The following PAAF1 variants were observed in gnomAD, a reference collection of about 807,000 sequenced individuals.
PAAF1 encodes proteasomal ATPase-associated factor 1.
Under a neutral mutation model 52.8 loss-of-function variants are expected in PAAF1, and 46 were observed. The ratio of observed to expected loss-of-function variants is 0.87; its 90% CI spans 0.69 to 1.11. PAAF1 has a LOEUF of 1.11. Ranked by LOEUF, PAAF1 falls within the 50% of genes most tolerant of loss-of-function variation. The probability of loss-of-function intolerance (pLI) is 0.00; values close to 1 mark genes in which losing one functional copy is unlikely to be tolerated. For synonymous variants in PAAF1, 178 were observed against 172.8 expected (o/e 1.03, Z -0.24); for missense variants, 424 against 477.4 (o/e 0.89, Z 1.04).
At position 73,881,261 on chromosome 11, in the gene PAAF1, T is replaced by G. The variant is rs550629447; in HGVS notation, c.88+2442T>G. Among the ~76,000 whole-genome samples the G allele has an allele frequency of 1.4e-4, 21 of 152,248 alleles. No homozygotes were observed. The East Asian group carries it at 3.5e-3, about 25-fold the overall frequency. ...TTTTTTTAGATCTTTTCCCTAATATTTTGCATTTTTCTTGCCGATACATAC... is the reference window on the plus strand; with the variant it reads ...TTTTTTTAGATCTTTTCCCTAATATGTTGCATTTTTCTTGCCGATACATAC... On this transcript the variant is annotated intron_variant, in intron 2 of 11. Coordinates refer to ENST00000310571, the MANE Select transcript of PAAF1 (RefSeq NM_025155.3).
chr11:73,912,673 T>G (rs1179688274), intron 7 of PAAF1, among the ~76,000 whole-genome samples: 1 of 152,168 alleles, frequency 6.6e-6, no homozygotes, highest in Non-Finnish European at 1.5e-5. Context: ...CATTCCTGCT[T>G]AAAACTCTCC....
intron 10 of PAAF1, among the ~76,000 whole-genome samples, chr11:73,920,267 C>G (rs541366746): frequency 6.6e-6 from 1 of 152,112 alleles, no homozygotes; most frequent in Non-Finnish European, 1.5e-5. Context: ...GGCACAGTGG[C>G]TCATGCCTAT....
intron 7 of PAAF1, among the ~76,000 whole-genome samples, 159 bp from the exon 8 acceptor site, chr11:73,914,254 A>G (rs2135212468): frequency 6.6e-6 from 1 of 152,356 alleles, no homozygotes; most frequent in East Asian, 1.9e-4. Flanking sequence ...ATCCAGTTGT[A>G]TAAATAATAC....
chr11:73,889,173 C>A, intron 3 of PAAF1: 7 of 1,528,652 alleles, frequency 4.6e-6, no homozygotes, highest in Non-Finnish European at 6.1e-6. Context: ...CATACTCAGA[C>A]CTGGATACAG....
At chr11:73,902,237 A>C (rs540143230) in intron 6 of PAAF1, among the ~76,000 whole-genome samples, 2 of 152,226 alleles carry the variant, frequency 1.3e-5, no homozygotes, top group East Asian at 3.8e-4. Context: ...CACACACATT[A>C]ACCTAAGTAC....
At chr11:73,916,697 G>T in intron 9 of PAAF1, 37 bp downstream of exon 9, 33 of 1,476,216 alleles carry the variant, frequency 2.2e-5, no homozygotes, top group Non-Finnish European at 3.0e-5. Context: ...CAGGTCTTCT[G>T]CAGAGTGGAA....
At position 73,887,477 on chromosome 11, in the gene PAAF1, A is replaced by G. The variant is rs1338627148; in HGVS notation, c.192+20A>G. ...AACAAGGTATGTTTTTATGTCTTCT[A>G]GATGGCATGATATTTAAAACTATGG... is the stretch of plus-strand genomic sequence containing the variant. On this transcript the variant is annotated intron_variant, in intron 3 of 11. Transcript: ENST00000310571. The G allele has an allele frequency of 6.6e-7, 1 of 1,522,618 alleles. No homozygotes were observed. Among genetic ancestry groups the G allele is most frequent in the Non-Finnish European group, 9.0e-7 (1 of 1,115,308 alleles). 94.3% of individuals were successfully genotyped at this position (1,522,618 alleles called of 1,614,324 possible). A position where few individuals can be genotyped will look rare whatever the true frequency, so the allele number is the denominator to read the frequency against.
At chr11:73,920,221 TTA>T (rs1950174148) in intron 10 of PAAF1, among the ~76,000 whole-genome samples, 2 of 152,086 alleles carry the variant, frequency 1.3e-5, no homozygotes, top group African/African-American at 2.4e-5. Flanking sequence ...ATAATATTTT[TTA>T]TATATTTTTT....
chr11:73,892,086 G>A (rs1460911653), intron 4 of PAAF1, among the ~76,000 whole-genome samples: 2 of 152,096 alleles, frequency 1.3e-5, no homozygotes, highest in Non-Finnish European at 2.9e-5. Flanking sequence ...ACTTTGAGAG[G>A]CCGAGGTGGG....
At chr11:73,876,808 G>T (rs76332820), upstream of PAAF1, 13,370 of 430,078 alleles carry the variant, frequency 0.031, 286 homozygotes, top group Non-Finnish European at 0.039. Context: ...CGGCGGCTTG[G>T]GTTTCGCAGG....
chr11:73,915,232 A>C (rs1409860565), intron 8 of PAAF1, among the ~76,000 whole-genome samples: 1 of 152,142 alleles, frequency 6.6e-6, no homozygotes, highest in Non-Finnish European at 1.5e-5. Context: ...TTAGTGTGCT[A>C]TATGTAAAAT....
chr11:73,896,287 CT>C (rs899630404), intron 4 of PAAF1, among the ~76,000 whole-genome samples: 1 of 102,776 alleles, frequency 9.7e-6, no homozygotes, highest in African/African-American at 4.1e-5. Flanking sequence ...TTCTTTTTTT[CT>C]TTTTTTCTTT....
At chr11:73,901,081 G>C (rs1236555272) in intron 6 of PAAF1, among the ~76,000 whole-genome samples, 1 of 149,914 alleles carries the variant, frequency 6.7e-6, no homozygotes, top group Non-Finnish European at 1.5e-5. Flanking sequence ...TTGTGTGCTG[G>C]GAAATAGAGA....
At chr11:73,916,940 CTT>C (rs1950081928) in intron 9 of PAAF1, among the ~76,000 whole-genome samples, 1 of 152,070 alleles carries the variant, frequency 6.6e-6, no homozygotes, top group Non-Finnish European at 1.5e-5. Context: ...TTGTCTAGAA[CTT>C]TTAATTTTAA....
Position 73,891,134 on chromosome 11 carries a change from C to A in PAAF1, c.215C>A (p.Pro72Gln). The change falls in exon 4 of 12, where the codon CCA becomes CAA. Residue 72 changes from proline to glutamine, a missense_variant. Coordinates refer to ENST00000310571, the MANE Select transcript of PAAF1 (RefSeq NM_025155.3). Reference sequence around the variant, plus strand: ...TAGAAAAGCATTCATATTTCATGTCCAAAGGAAAATGCATCTTCTAAGTTT... The same window carrying A: ...TAGAAAAGCATTCATATTTCATGTCAAAAGGAAAATGCATCTTCTAAGTTT... ...INKKSIHISC[P>Q]KENASSKFLA... The A allele has an allele frequency of 6.3e-7, 1 of 1,599,412 alleles. No individual in the cohort carries two copies. Among genetic ancestry groups the A allele is most frequent in the South Asian group, 1.1e-5 (1 of 90,360 alleles).
chr11:73,895,239 G>A (rs1201636101), intron 4 of PAAF1, among the ~76,000 whole-genome samples: 6 of 152,320 alleles, frequency 3.9e-5, no homozygotes, highest in Non-Finnish European at 1.5e-5. Flanking sequence ...TTTGGCCTGA[G>A]AAGTAGGTGA....
chr11:73,918,369 T>G (rs1047116367), intron 9 of PAAF1, among the ~76,000 whole-genome samples: 6 of 143,212 alleles, frequency 4.2e-5, no homozygotes, highest in African/African-American at 1.3e-4. Flanking sequence ...TTTTTTTTTT[T>G]TTTTTTTTTT....
chr11:73,911,834 A>G (rs1365070258), intron 7 of PAAF1, among the ~76,000 whole-genome samples: 1 of 151,764 alleles, frequency 6.6e-6, no homozygotes, highest in Non-Finnish European at 1.5e-5. Flanking sequence ...AGGTTTCACC[A>G]TGTTGGCCAG....
At position 73,929,995 on chromosome 11, in the gene PAAF1, G is replaced by GTGGTGGGCTGAGATTGCGCCA. The variant is rs1950433320; in HGVS notation, c.*2635_*2655dup. ...CACTTGATCCCGGGAGGCAGAGGTT[G>GTGGTGGGCTGAGATTGCGCCA]TGGTGGGCTGAGATTGCGCCATTGC... On this transcript the variant is annotated 3_prime_UTR_variant, in exon 12 of 12. Coordinates refer to ENST00000310571, the MANE Select transcript of PAAF1 (RefSeq NM_025155.3). 6.6e-6 allele frequency: 1 copy of GTGGTGGGCTGAGATTGCGCCA among 152,198 alleles called. No homozygotes were observed. The highest frequency in any genetic ancestry group is 1.5e-5 in the Non-Finnish European group (1 of 68,304). 9.4% of individuals were successfully genotyped at this position (152,198 alleles called of 1,614,324 possible). A position where few individuals can be genotyped will look rare whatever the true frequency, so the allele number is the denominator to read the frequency against.
Sources: gnomAD v4.1 joint callset for allele counts (sites outside exome capture counted in the v4.1 genomes callset) on GRCh38, gnomAD v4.1.1 for gene constraint, MANE v1.5 for transcripts, NCBI Gene and HGNC (gene_info 2026-07-23, HGNC 2026-07-21) for gene names.